Variants in TNNI3K observed in about 807,000 individuals in gnomAD.
TNNI3K encodes TNNI3 interacting kinase, also known as serine/threonine-protein kinase TNNI3K.
TNNI3K carries 140 observed loss-of-function variants against 114.5 expected under a neutral mutation model. That is an observed-to-expected ratio of 1.22 (90% confidence interval 1.07 to 1.41). TNNI3K has a LOEUF of 1.41. Among genes scored for constraint, TNNI3K ranks in the 40% most tolerant of loss-of-function variants. The pLI is 0.00. For synonymous variants in TNNI3K, 347 were observed against 347.5 expected (o/e 1.00, Z 0.02); for missense variants, 1,125 against 1,007.6 (o/e 1.12, Z -1.58).
intron 24 of TNNI3K, among the ~76,000 whole-genome samples, 194 bp downstream of exon 24, chr1:74,540,507 G>A (rs1427718767): frequency 6.6e-6 from 1 of 151,824 alleles, no homozygotes; most frequent in Non-Finnish European, 1.5e-5. Flanking sequence ...ATGTCTGTGT[G>A]AGCATGTGTG....
At chr1:74,402,688 A>C (rs1035297389) in intron 17 of TNNI3K, among the ~76,000 whole-genome samples, 1 of 152,180 alleles carries the variant, frequency 6.6e-6, no homozygotes, top group Non-Finnish European at 1.5e-5. Flanking sequence ...TGGCAGAAAC[A>C]GTTCTTGTGG....
chr1:74,337,370 C>G (rs1259939876), intron 7 of TNNI3K, among the ~76,000 whole-genome samples: 1 of 151,394 alleles, frequency 6.6e-6, no homozygotes, highest in Non-Finnish European at 1.5e-5. Flanking sequence ...TCCCATTTGT[C>G]AATTTTGGCT....
At chr1:74,538,587 G>A (rs971319100) in intron 23 of TNNI3K, among the ~76,000 whole-genome samples, 2 of 152,124 alleles carry the variant, frequency 1.3e-5, no homozygotes, top group Non-Finnish European at 2.9e-5. Context: ...GAAATAAGGC[G>A]ATGTGATGTG....
intron 20 of TNNI3K, among the ~76,000 whole-genome samples, chr1:74,445,541 G>C (rs1666605486): frequency 6.6e-6 from 1 of 150,442 alleles, no homozygotes; most frequent in Non-Finnish European, 1.5e-5. Context: ...CCCTACAAAG[G>C]ACGTGAACTC....
chr1:74,492,695 A>G (rs1374263885), intron 23 of TNNI3K, among the ~76,000 whole-genome samples: 1 of 152,224 alleles, frequency 6.6e-6, no homozygotes, highest in African/African-American at 2.4e-5. Flanking sequence ...GGAAATAGGT[A>G]CTTAAACAAA....
intron 5 of TNNI3K, among the ~76,000 whole-genome samples, chr1:74,276,384 G>C (rs956820519): frequency 1.3e-5 from 2 of 152,016 alleles, no homozygotes; most frequent in Non-Finnish European, 2.9e-5. Flanking sequence ...TATTAAATAA[G>C]GAATTATTGA....
chr1:74,241,913 G>A (rs1184438283), intron 2 of TNNI3K, among the ~76,000 whole-genome samples: 8 of 149,260 alleles, frequency 5.4e-5, no homozygotes, highest in East Asian at 4.0e-4. Context: ...GCAGTGGCGC[G>A]ATCTAGGCTC....
In TNNI3K at chr1:74,369,475, C is replaced by T. The variant is rs1218677938; in HGVS notation, c.1557C>T (p.Pro519=). ...EVSILCQLNH[P]CVIQFVGACL... The stretch of plus-strand genomic sequence containing the variant: ...CCATTCTCTGCCAGCTCAATCATCC[C>T]TGCGTAATTCAGTTTGTGGGTGCTT... The change falls in exon 16 of 25, where the codon CCC becomes CCT. Residue 519 remains proline (P), a synonymous_variant. Transcript: ENST00000326637. 1.2e-6 allele frequency: 2 copies of T among 1,612,822 alleles called. No homozygotes were observed. The highest frequency in any genetic ancestry group is 3.3e-5 in the Admixed American group (2 of 59,858).
rs548776153 is a variant in TNNI3K, at chr1:74,416,622, A to T, written c.1773-19458A>T. On this transcript the variant is annotated intron_variant, in intron 17 of 24. Transcript: ENST00000326637. Reference sequence around the variant, plus strand: ...GTTTCCCCTTCCTCTTCTATTCATTATTTTCCAGTGTAATTGAAATTAGAT... The same window carrying T: ...GTTTCCCCTTCCTCTTCTATTCATTTTTTTCCAGTGTAATTGAAATTAGAT... 4 of 904,912 alleles carry T rather than the reference A, an allele frequency of 4.4e-6. No homozygotes were observed. The African/African-American group carries it at 7.2e-5, about 16-fold the overall frequency. The allele number at this position is 904,912 out of a possible 1,614,324, so 56.1% of individuals were successfully genotyped here.
intron 5 of TNNI3K, among the ~76,000 whole-genome samples, chr1:74,301,018 A>G (rs1658298395): frequency 6.6e-6 from 1 of 152,178 alleles, no homozygotes; most frequent in South Asian, 2.1e-4. Context: ...GTGAATGTGC[A>G]TTTCTATGGA....
At chr1:74,273,504 G>C (rs1361188041) in intron 5 of TNNI3K, among the ~76,000 whole-genome samples, 1 of 151,924 alleles carries the variant, frequency 6.6e-6, no homozygotes, top group Non-Finnish European at 1.5e-5. Flanking sequence ...GAAAATTACA[G>C]ACTATGTCTT....
intron 23 of TNNI3K, among the ~76,000 whole-genome samples, chr1:74,497,653 T>A (rs1361395417): frequency 6.6e-6 from 1 of 152,020 alleles, no homozygotes; most frequent in Non-Finnish European, 1.5e-5. Context: ...CCAGATCATT[T>A]ATTCAGCCTT....
chr1:74,305,269 C>T (rs542636060), intron 5 of TNNI3K, among the ~76,000 whole-genome samples: 16 of 152,194 alleles, frequency 1.1e-4, no homozygotes, highest in South Asian at 4.1e-4. Flanking sequence ...TTGAAGTGAC[C>T]GCACTGTAGA....
At chr1:74,470,613 A>G (rs1480591801) in intron 21 of TNNI3K, 1 of 400,512 alleles carries the variant, frequency 2.5e-6, no homozygotes, top group African/African-American at 2.1e-5. Flanking sequence ...AGGAATCATA[A>G]GTTTCTGTTT....
chr1:74,277,451 A>G (rs969155188), intron 5 of TNNI3K, among the ~76,000 whole-genome samples: 1 of 152,202 alleles, frequency 6.6e-6, no homozygotes, highest in Non-Finnish European at 1.5e-5. Flanking sequence ...ATATGTTACT[A>G]TATAAAGCCC....
chr1:74,481,454 G>A (rs1005575826), intron 21 of TNNI3K, among the ~76,000 whole-genome samples: 6 of 152,158 alleles, frequency 3.9e-5, no homozygotes, highest in African/African-American at 1.4e-4. Context: ...GTAAAGGTGC[G>A]AGTTGGGATG....
intron 22 of TNNI3K, among the ~76,000 whole-genome samples, chr1:74,491,237 T>C (rs1377815223): frequency 6.6e-6 from 1 of 152,180 alleles, no homozygotes; most frequent in African/African-American, 2.4e-5. Flanking sequence ...TTGTTTGTTT[T>C]TGAGAGAGAG....
At chr1:74,298,789 A>C (rs1291914596) in intron 5 of TNNI3K, among the ~76,000 whole-genome samples, 2 of 152,110 alleles carry the variant, frequency 1.3e-5, no homozygotes, top group African/African-American at 4.8e-5. Context: ...ATGGCTAATA[A>C]ATTTTCAACA....
chr1:74,437,963 T>C (rs1319276112), intron 19 of TNNI3K, among the ~76,000 whole-genome samples: 2 of 151,668 alleles, frequency 1.3e-5, no homozygotes, highest in Non-Finnish European at 2.9e-5. Flanking sequence ...TGTAATTAAA[T>C]TGAATTTAAC....
Sources: gnomAD v4.1 joint callset for allele counts (sites outside exome capture counted in the v4.1 genomes callset) on GRCh38, gnomAD v4.1.1 for gene constraint, MANE v1.5 for transcripts, NCBI Gene and HGNC (gene_info 2026-07-23, HGNC 2026-07-21) for gene names.